The following MIER1 variants were observed in gnomAD, a reference collection of about 807,000 sequenced individuals.
MIER1 encodes the protein mesoderm induction early response protein 1.
Under a neutral mutation model 75.7 loss-of-function variants are expected in MIER1, and 40 were observed. The observed-to-expected ratio is 0.53, with a 90% CI of 0.41 to 0.69. The LOEUF (loss-of-function observed/expected upper bound fraction) is 0.69, where lower values mean the gene tolerates loss of function less well. Among genes scored for constraint, MIER1 ranks in the 30% least tolerant of loss-of-function variants. The pLI is 0.00. For synonymous variants in MIER1, 213 were observed against 223.4 expected, an observed-to-expected ratio of 0.95 and a Z score of 0.42; for missense variants, 574 against 680.2, an observed-to-expected ratio of 0.84 and a Z score of 1.74.
chr1:66,957,558 T>C (rs1660385504), intron 4 of MIER1, among the ~76,000 whole-genome samples: 1 of 151,962 alleles, frequency 6.6e-6, no homozygotes. Flanking sequence ...TCCATTATCA[T>C]TTCTGTATAT....
Position 66,946,153 on chromosome 1 carries a change from G to T in MIER1, c.197G>T (p.Gly66Val), listed in dbSNP as rs2101489240. 2 of 1,605,200 alleles carry T rather than the reference G, an allele frequency of 1.2e-6. No individual in the cohort carries two copies. Among genetic ancestry groups the T allele is most frequent in the Admixed American group, 3.5e-5 (2 of 57,418 alleles). ...LPSVESSSPG[G>V]SATSDDHEFD... is the part of the protein sequence containing the mutation. ...TTTTTGAAATATTCCTTACCAGGAG[G>T]TTCAGCAACATCAGATGACCATGAA... Residue 66 changes from glycine to valine, a missense_variant, in exon 4 of 14, where the codon GGT (glycine) becomes GTT (valine). Physicochemically the swap from Gly to Val is moderately radical, Grantham distance 109. Coordinates refer to ENST00000401041, the MANE Select transcript of MIER1 (RefSeq NM_001077700.3).
At chr1:66,962,875 C>T (rs1019707476) in intron 7 of MIER1, among the ~76,000 whole-genome samples, 9 of 152,024 alleles carry the variant, frequency 5.9e-5, no homozygotes, top group African/African-American at 2.2e-4. Flanking sequence ...TTATTGTTTA[C>T]GTTGCATTTC....
At chr1:66,948,730 CA>C (rs1050189463) in intron 4 of MIER1, among the ~76,000 whole-genome samples, 2 of 152,038 alleles carry the variant, frequency 1.3e-5, no homozygotes, top group African/African-American at 4.8e-5. Flanking sequence ...ACCATCTCTG[CA>C]AAAAATTTTT....
At chr1:66,940,544 G>A (rs950426565) in intron 3 of MIER1, among the ~76,000 whole-genome samples, 9 of 152,088 alleles carry the variant, frequency 5.9e-5, no homozygotes, top group Non-Finnish European at 1.2e-4. Context: ...ATCATTCTTA[G>A]ATTTGAATAG....
chr1:66,975,551 A>C (rs993790468), intron 11 of MIER1, among the ~76,000 whole-genome samples: 5 of 151,942 alleles, frequency 3.3e-5, no homozygotes, highest in African/African-American at 1.2e-4. Context: ...AGAAAGGAAA[A>C]AAGTTATCAG....
At chr1:66,951,520 G>A (rs1658944088) in intron 4 of MIER1, among the ~76,000 whole-genome samples, 2 of 151,758 alleles carry the variant, frequency 1.3e-5, no homozygotes, top group African/African-American at 4.8e-5. Context: ...TTGTTACAGT[G>A]TAAGACAACT....
intron 4 of MIER1, among the ~76,000 whole-genome samples, chr1:66,951,449 C>G (rs1158714029): frequency 6.6e-6 from 1 of 152,098 alleles, no homozygotes; most frequent in Non-Finnish European, 1.5e-5. Context: ...TTTAAAAAGT[C>G]CATTTCTCCC....
rs542674329 is a variant in MIER1, at chr1:66,929,284, T to G, written c.168+3042T>G. On this transcript the variant is annotated intron_variant, in intron 2 of 13. Coordinates refer to ENST00000401041, the MANE Select transcript of MIER1 (RefSeq NM_001077700.3). ...TTTGGTAGCCACTTTTGAAACTGCA[T>G]TAAGAGGAACCCTTGAAGATTAGGA... 14 of 332,196 alleles carry G rather than the reference T, an allele frequency of 4.2e-5. No individual in the cohort carries two copies. In the East Asian group the frequency reaches 9.8e-4, roughly 23 times the overall value. The allele number at this position is 332,196 out of a possible 1,614,324, so 20.6% of individuals were successfully genotyped here. A position where few individuals can be genotyped will look rare whatever the true frequency, so the allele number is the denominator to read the frequency against.
chr1:66,948,361 G>C (rs1170271283), intron 4 of MIER1: 2 of 395,236 alleles, frequency 5.1e-6, no homozygotes, highest in Non-Finnish European at 6.9e-6. Flanking sequence ...TGGTAATAAA[G>C]ACCTATGTCT....
intron 2 of MIER1, among the ~76,000 whole-genome samples, chr1:66,934,677 G>T (rs1034275740): frequency 6.6e-6 from 1 of 151,488 alleles, no homozygotes; most frequent in Non-Finnish European, 1.5e-5. Context: ...TTATAGGCGT[G>T]TGCCACTGTT....
chr1:66,957,569 T>C (rs1660389188), intron 4 of MIER1, among the ~76,000 whole-genome samples: 1 of 151,530 alleles, frequency 6.6e-6, no homozygotes, highest in Non-Finnish European at 1.5e-5. Flanking sequence ...TTCTGTATAT[T>C]ACTACTGGTT....
At chr1:66,974,745 AC>A (rs1357789490) in intron 11 of MIER1, among the ~76,000 whole-genome samples, 2 of 152,194 alleles carry the variant, frequency 1.3e-5, no homozygotes, top group Non-Finnish European at 2.9e-5. Flanking sequence ...ACTCTAGTGC[AC>A]AAAAAGAGGA....
At chr1:66,960,816 G>A (rs1661109299) in intron 7 of MIER1, among the ~76,000 whole-genome samples, 2 of 152,166 alleles carry the variant, frequency 1.3e-5, no homozygotes, top group South Asian at 4.1e-4. Flanking sequence ...TTGGGCAAGG[G>A]TTCTTTCATC....
At chr1:66,954,452 G>A (rs1015221168) in intron 4 of MIER1, among the ~76,000 whole-genome samples, 1 of 152,108 alleles carries the variant, frequency 6.6e-6, no homozygotes, top group African/African-American at 2.4e-5. Context: ...TTTGTTTTTA[G>A]TTACTGTAAA....
intron 4 of MIER1, among the ~76,000 whole-genome samples, chr1:66,953,018 A>G (rs1659323442): frequency 6.6e-6 from 1 of 152,230 alleles, no homozygotes; most frequent in African/African-American, 2.4e-5. Context: ...TACTTGAGAT[A>G]GTCTATGCTT....
chr1:66,930,319 A>C, intron 2 of MIER1: 1 of 1,586,980 alleles, frequency 6.3e-7, no homozygotes, highest in Admixed American at 1.7e-5. Flanking sequence ...CCCGTTGCTG[A>C]GTCTCACATC....
At chr1:66,940,087 T>G (rs1482625683) in intron 3 of MIER1, 35 bp downstream of exon 3, 1 of 1,520,510 alleles carries the variant, frequency 6.6e-7, no homozygotes, top group Non-Finnish European at 9.1e-7. Flanking sequence ...AATCTCGATT[T>G]GAGTAACATT....
At chr1:66,969,116 T>C (rs1663027880) in intron 8 of MIER1, among the ~76,000 whole-genome samples, 1 of 152,192 alleles carries the variant, frequency 6.6e-6, no homozygotes, top group Admixed American at 6.5e-5. Flanking sequence ...AGAAAAGGAA[T>C]GATGTTTATT....
chr1:66,943,086 T>G (rs529550994), intron 3 of MIER1, among the ~76,000 whole-genome samples: 1 of 152,308 alleles, frequency 6.6e-6, no homozygotes, highest in East Asian at 1.9e-4. Context: ...AGGGTCTTTC[T>G]GCCTACAAGG....
Sources: allele counts gnomAD v4.1 joint callset (sites outside exome capture counted in the v4.1 genomes callset), GRCh38; gene constraint gnomAD v4.1.1; transcripts MANE v1.5; gene names NCBI Gene and HGNC (gene_info 2026-07-23, HGNC 2026-07-21).